The following DOCK3 variants were observed in gnomAD, a reference collection of about 807,000 sequenced individuals.
The protein encoded by DOCK3 is dedicator of cytokinesis protein 3.
A neutral mutation model predicts 265.6 loss-of-function variants in DOCK3; 60 were observed. The observed-to-expected ratio is 0.23, with a 90% CI of 0.18 to 0.28. DOCK3 has a LOEUF of 0.28. DOCK3 is among the 10% of genes least tolerant of loss of function. DOCK3 has a pLI of 1.00. For synonymous variants in DOCK3, 881 were observed against 938.0 expected (o/e 0.94, Z 1.11); for missense variants, 1,981 against 2,594.3 (o/e 0.76, Z 5.14).
At chr3:50,796,753 C>A (rs1321498958) in intron 2 of DOCK3, among the ~76,000 whole-genome samples, 2 of 151,950 alleles carry the variant, frequency 1.3e-5, no homozygotes, top group East Asian at 3.9e-4. Flanking sequence ...AGTTGCTGAC[C>A]TTTAGATTTT....
rs545718784 is a variant in DOCK3, at chr3:51,002,855, A to G, written c.316-61593A>G. 2.6e-5 allele frequency among the ~76,000 whole-genome samples: 4 copies of G among 152,266 alleles called. No individual in the cohort carries two copies. In the South Asian group the frequency reaches 8.3e-4, roughly 32 times the overall value. Reference sequence around the variant, plus strand: ...TGTTATGACATTTTTTTCTTAAGCTATATTTGACCCTTTCAACCTCAAAGT... The same window carrying G: ...TGTTATGACATTTTTTTCTTAAGCTGTATTTGACCCTTTCAACCTCAAAGT... On this transcript the variant is annotated intron_variant, in intron 5 of 52. Coordinates refer to ENST00000266037, the MANE Select transcript of DOCK3 (RefSeq NM_004947.5).
intron 4 of DOCK3, among the ~76,000 whole-genome samples, chr3:50,900,526 A>G (rs2355707): frequency 0.089 from 13,495 of 152,044 alleles, 1,230 homozygotes; most frequent in East Asian, 0.33. Context: ...CTTGGCGAGG[A>G]GTTGTGATCC....
chr3:51,120,244 G>T (rs1288107428), intron 9 of DOCK3, among the ~76,000 whole-genome samples: 3 of 152,184 alleles, frequency 2.0e-5, no homozygotes, highest in African/African-American at 7.2e-5. Flanking sequence ...ATCCACTGGA[G>T]TTTGCTAGGG....
At chr3:51,350,745 G>A (rs2085920958) in intron 40 of DOCK3, among the ~76,000 whole-genome samples, 1 of 152,192 alleles carries the variant, frequency 6.6e-6, no homozygotes, top group Non-Finnish European at 1.5e-5. Context: ...CAGCCATATA[G>A]GGCACCAGTA....
chr3:50,896,451 A>T (rs1223072349), intron 4 of DOCK3, among the ~76,000 whole-genome samples: 1 of 152,110 alleles, frequency 6.6e-6, no homozygotes, highest in Non-Finnish European at 1.5e-5. Context: ...GTTCACTCTG[A>T]TGATAGTTTC....
At chr3:51,051,263 T>C (rs2080984139) in intron 5 of DOCK3, among the ~76,000 whole-genome samples, 1 of 152,068 alleles carries the variant, frequency 6.6e-6, no homozygotes, top group Admixed American at 6.5e-5. Flanking sequence ...CTGTAAGAAG[T>C]TGAAAAGGAT....
At chr3:51,042,000 A>G (rs1335478931) in intron 5 of DOCK3, among the ~76,000 whole-genome samples, 1 of 152,158 alleles carries the variant, frequency 6.6e-6, no homozygotes, top group Non-Finnish European at 1.5e-5. Flanking sequence ...TCTACCATAT[A>G]TACAAAGAAG....
chr3:51,260,374 T>G lies in DOCK3; in HGVS notation c.2355+48T>G, dbSNP rs780184959. On this transcript the variant is annotated intron_variant, in intron 23 of 52. Transcript: ENST00000266037. ...TTGATGCTGGGTTCCTCTTTCTCAG[T>G]GGGTGGTTTCTTTGTCCTCTGGTTT... 19 of 1,544,330 alleles carry G rather than the reference T, an allele frequency of 1.2e-5. No homozygotes were observed. The Admixed American group carries it at 3.7e-4, about 30-fold the overall frequency.
intron 3 of DOCK3, among the ~76,000 whole-genome samples, chr3:50,849,151 T>C (rs888943747): frequency 4.6e-5 from 7 of 152,004 alleles, no homozygotes; most frequent in Non-Finnish European, 1.5e-5. Context: ...CCCTCCACTT[T>C]AGGCTTCTGA....
In DOCK3 at chr3:51,383,305, G is replaced by A. The variant is rs915818260; in HGVS notation, c.*1746G>A. The A allele has an allele frequency of 2.5e-4, 38 of 152,588 alleles. No individual in the cohort carries two copies. The highest frequency in any genetic ancestry group is 8.7e-4 in the African/African-American group (36 of 41,482). The allele number at this position is 152,588 out of a possible 1,614,324, so 9.5% of individuals were successfully genotyped here. A position where few individuals can be genotyped will look rare whatever the true frequency, so the allele number is the denominator to read the frequency against. On this transcript the variant is annotated 3_prime_UTR_variant, in exon 53 of 53. Coordinates refer to ENST00000266037, the MANE Select transcript of DOCK3 (RefSeq NM_004947.5). ...GATACCACCAGGTTCACTCCAGGCA[G>A]AGTGGGGCGGAAGGCTGCTGAGGAT...
chr3:50,817,984 C>T (rs1225792407), intron 2 of DOCK3, among the ~76,000 whole-genome samples: 2 of 152,176 alleles, frequency 1.3e-5, no homozygotes, highest in Non-Finnish European at 2.9e-5. Flanking sequence ...CAGTATTATG[C>T]ATGGAGGTAG....
At chr3:50,770,323 A>G (rs576275741) in intron 1 of DOCK3, among the ~76,000 whole-genome samples, 1 of 152,306 alleles carries the variant, frequency 6.6e-6, no homozygotes, top group East Asian at 1.9e-4. Context: ...AATCTTAGAA[A>G]GAAAAAAGTA....
chr3:50,793,554 C>T (rs1032500832), intron 2 of DOCK3, among the ~76,000 whole-genome samples: 4 of 151,826 alleles, frequency 2.6e-5, no homozygotes, highest in Admixed American at 6.6e-5. Context: ...GACGGGATTT[C>T]GCCTTGTTGG....
chr3:50,728,324 G>T (rs2037962949), intron 1 of DOCK3, among the ~76,000 whole-genome samples: 1 of 152,022 alleles, frequency 6.6e-6, no homozygotes, highest in Non-Finnish European at 1.5e-5. Context: ...ATGCTGAGAA[G>T]AAATTTTATA....
chr3:50,971,304 A>G (rs1248670697), intron 5 of DOCK3, among the ~76,000 whole-genome samples: 1 of 151,206 alleles, frequency 6.6e-6, no homozygotes, highest in Non-Finnish European at 1.5e-5. Context: ...TAAATAAACT[A>G]TTTTTCTTAT....
intron 27 of DOCK3, among the ~76,000 whole-genome samples, chr3:51,284,951 T>C (rs2081327991): frequency 6.6e-6 from 1 of 152,192 alleles, no homozygotes; most frequent in Non-Finnish European, 1.5e-5. Context: ...CCCAGCTTAA[T>C]GCAGCGACAG....
At chr3:51,233,352 ATCTATCTAT>A (rs752460581) in intron 19 of DOCK3, among the ~76,000 whole-genome samples, 1,182 of 15,982 alleles carry the variant, frequency 0.074, 11 homozygotes, top group South Asian at 0.22. Flanking sequence ...CTATCTATCT[ATCTATCTAT>A]TTATTTATTT....
intron 27 of DOCK3, among the ~76,000 whole-genome samples, chr3:51,305,831 C>CT (rs2082650166): frequency 1.9e-5 from 1 of 52,794 alleles, no homozygotes; most frequent in Non-Finnish European, 3.6e-5. Flanking sequence ...TTGATTTCTT[C>CT]TTCTTTTTTT....
At chr3:51,231,553 A>G (rs2090547680) in intron 19 of DOCK3, among the ~76,000 whole-genome samples, 1 of 152,118 alleles carries the variant, frequency 6.6e-6, no homozygotes, top group Non-Finnish European at 1.5e-5. Context: ...ACTTTATTGT[A>G]TGTCTTCTTT....
Sources: gnomAD v4.1 joint callset for allele counts (sites outside exome capture counted in the v4.1 genomes callset) on GRCh38, gnomAD v4.1.1 for gene constraint, MANE v1.5 for transcripts, NCBI Gene and HGNC (gene_info 2026-07-23, HGNC 2026-07-21) for gene names.